The following ATP4B variants were observed in gnomAD, a reference collection of about 807,000 sequenced individuals.
ATP4B encodes potassium-transporting ATPase subunit beta.
Under a neutral mutation model 35.3 loss-of-function variants are expected in ATP4B, and 27 were observed. That is an observed-to-expected ratio of 0.76 (90% CI 0.56 to 1.05). The LOEUF is 1.05. Ranked by LOEUF, ATP4B falls within the 50% of genes least tolerant of loss-of-function variation. The pLI is 0.00. For synonymous variants in ATP4B, 162 were observed against 156.0 expected, an observed-to-expected ratio of 1.04 and a Z score of -0.29; for missense variants, 375 against 384.8, an observed-to-expected ratio of 0.97 and a Z score of 0.21.
chr13:113,649,363 C>G lies in ATP4B; in HGVS notation c.*11G>C. Reference sequence around the variant, plus strand: ...CCCGCAGGCGTGCCCAGGACCCCTGCGCAAACCGTTTCACTTCTCAATCTT... The same window carrying G: ...CCCGCAGGCGTGCCCAGGACCCCTGGGCAAACCGTTTCACTTCTCAATCTT... On this transcript the variant is annotated 3_prime_UTR_variant, in exon 7 of 7. Transcript: ENST00000335288. This position sits in a 1 kb window ranked among gnomAD's most constrained non-coding sequence, Gnocchi z 4.7. 6.3e-7 allele frequency: 1 copy of G among 1,587,792 alleles called. No homozygotes were observed. The highest frequency in any genetic ancestry group is 8.6e-7 in the Non-Finnish European group (1 of 1,165,736).
chr13:113,657,996 C>T, intron 1 of ATP4B, 37 bp downstream of exon 1: 1 of 1,531,554 alleles, frequency 6.5e-7, no homozygotes, highest in Non-Finnish European at 8.8e-7. Flanking sequence ...AGAGCGGCCC[C>T]CTCCATGCAC....
intron 2 of ATP4B, among the ~76,000 whole-genome samples, chr13:113,653,812 A>G (rs1199016501): frequency 1.3e-5 from 2 of 152,286 alleles, no homozygotes; most frequent in Admixed American, 6.5e-5. Context: ...GTTAAGAACA[A>G]AAGCAGTCTA....
rs1302249566 is a variant in ATP4B, at chr13:113,653,748, T to A, written c.242-314A>T. Among the ~76,000 whole-genome samples the A allele has an allele frequency of 2.6e-5, 4 of 152,234 alleles. No individual in the cohort carries two copies. In the South Asian group the frequency reaches 8.3e-4, roughly 31 times the overall value. On this transcript the variant is annotated intron_variant, in intron 2 of 6. Transcript: ENST00000335288. ...ACTAATCCAGAGGCTGCACCTGGGT[T>A]TCTATGTAAAATTGCATTTGAACAT...
Position 113,650,530 on chromosome 13 carries a change from T to G in ATP4B, c.613-23A>C. On this transcript the variant is annotated intron_variant, in intron 5 of 6. Transcript: ENST00000335288. The surrounding 1 kb of genome is among the most constrained non-coding windows in gnomAD (Gnocchi z 5.0). Reference sequence around the variant, plus strand: ...GTCCTGGGGAGGAGAGGCCACTGCCTGAGTCAGGCGGGAGCTGGTGTGTGC... The same window carrying G: ...GTCCTGGGGAGGAGAGGCCACTGCCGGAGTCAGGCGGGAGCTGGTGTGTGC... 1 of 1,595,414 alleles carries G rather than the reference T, an allele frequency of 6.3e-7. No homozygotes were observed. The highest frequency in any genetic ancestry group is 8.6e-7 in the Non-Finnish European group (1 of 1,168,786).
At position 113,650,347 on chromosome 13, in the gene ATP4B, G is replaced by A. The variant is rs1013643420; in HGVS notation, c.714+59C>T. On this transcript the variant is annotated intron_variant, in intron 6 of 6. Transcript: ENST00000335288. The surrounding 1 kb of genome is among the most constrained non-coding windows in gnomAD (Gnocchi z 5.0). The stretch of plus-strand genomic sequence containing the variant: ...TGAAGGGGCTTATTGCTTTCCTTTC[G>A]CTAAGTGTGAGAGGACTCAGCAGCT... The A allele has an allele frequency of 6.8e-5, 103 of 1,504,736 alleles. No individual in the cohort carries two copies. Among genetic ancestry groups the A allele is most frequent in the Middle Eastern group, 3.4e-4 (2 of 5,858 alleles). 93.2% of individuals were successfully genotyped at this position (1,504,736 alleles called of 1,614,324 possible).
Position 113,650,534 on chromosome 13 carries a change from T to G in ATP4B, c.613-27A>C, listed in dbSNP as rs758980693. The G allele has an allele frequency of 6.3e-7, 1 of 1,589,806 alleles. No homozygotes were observed. Among genetic ancestry groups the G allele is most frequent in the Non-Finnish European group, 8.6e-7 (1 of 1,164,312 alleles). On this transcript the variant is annotated intron_variant, in intron 5 of 6. Transcript: ENST00000335288. This position sits in a 1 kb window ranked among gnomAD's most constrained non-coding sequence, Gnocchi z 5.0. ...TGGGGAGGAGAGGCCACTGCCTGAGTCAGGCGGGAGCTGGTGTGTGCCGGT... is the reference window on the plus strand; with the variant it reads ...TGGGGAGGAGAGGCCACTGCCTGAGGCAGGCGGGAGCTGGTGTGTGCCGGT...
At chr13:113,651,179 A>G (rs1415435712) in intron 5 of ATP4B, among the ~76,000 whole-genome samples, 2 of 152,224 alleles carry the variant, frequency 1.3e-5, no homozygotes, top group Non-Finnish European at 2.9e-5. Flanking sequence ...AGCAAATCTT[A>G]GAAGACATTT....
intron 1 of ATP4B, 38 bp from the exon 2 acceptor site, chr13:113,654,980 CCATTTTAACG>C: frequency 6.2e-7 from 1 of 1,611,996 alleles, no homozygotes; most frequent in East Asian, 2.2e-5. Context: ...ACCACGTCAG[CCATTTTAACG>C]CACACAATTC....
At chr13:113,654,063 C>T (rs1441829663) in intron 2 of ATP4B, among the ~76,000 whole-genome samples, 1 of 152,204 alleles carries the variant, frequency 6.6e-6, no homozygotes, top group African/African-American at 2.4e-5. Context: ...TTGGGAGCCT[C>T]TTTTTCTGTC....
intron 5 of ATP4B, 102 bp downstream of exon 5, chr13:113,651,569 A>G (rs567332613): frequency 1.5e-5 from 19 of 1,300,554 alleles, no homozygotes; most frequent in Admixed American, 3.3e-5. Flanking sequence ...GACGGCTGAC[A>G]TTCCTGGAGA....
Position 113,658,067 on chromosome 13 carries a change from C to T in ATP4B, c.78G>A (p.Thr26=), listed in dbSNP as rs143507769. 270 of 1,610,176 alleles carry T rather than the reference C, an allele frequency of 1.7e-4. 2 individuals carry two copies. In the South Asian group the frequency reaches 1.7e-3, roughly 10 times the overall value. Residue 26 remains threonine, a synonymous_variant, in exon 1 of 7, where the codon ACG becomes ACA. Coordinates refer to ENST00000335288, the MANE Select transcript of ATP4B (RefSeq NM_000705.4). ...EFQRYCWNPD[T]GQMLGRTLSR... ...ACAGGGTGCGGCCCAGCATCTGCCC[C>T]GTGTCCGGGTTCCAGCAGTAACGCT...
intron 2 of ATP4B, among the ~76,000 whole-genome samples, chr13:113,653,885 C>T (rs895782240): frequency 3.3e-5 from 5 of 152,340 alleles, no homozygotes; most frequent in East Asian, 3.9e-4. Context: ...AACGCAGAGC[C>T]GTCGACTTTC....
intron 5 of ATP4B, among the ~76,000 whole-genome samples, chr13:113,651,066 A>C (rs1233880693): frequency 6.6e-6 from 1 of 152,006 alleles, no homozygotes; most frequent in Non-Finnish European, 1.5e-5. Flanking sequence ...CCGAGAGTGG[A>C]GGCTTCGAGG....
chr13:113,653,463 T>A (rs764130095), intron 2 of ATP4B, 29 bp from the exon 3 acceptor site: 3 of 1,587,528 alleles, frequency 1.9e-6, no homozygotes, highest in Non-Finnish European at 2.6e-6. Flanking sequence ...GTGCTTAGCG[T>A]CTCCAAATGC....
chr13:113,652,269 G>A (rs376459311), intron 4 of ATP4B, among the ~76,000 whole-genome samples: 68 of 152,354 alleles, frequency 4.5e-4, no homozygotes, highest in African/African-American at 1.4e-3. Context: ...CCTCCATGCC[G>A]GCAGTGCTGA....
At position 113,649,331 on chromosome 13, in the gene ATP4B, G is replaced by T. The variant is rs111789870; in HGVS notation, c.*43C>A. ...TAAGCCCAACCAGGAGGGTGTCCTT[G>T]AGCGACCCCGCAGGCGTGCCCAGGA... is the stretch of plus-strand genomic sequence containing the variant. On this transcript the variant is annotated 3_prime_UTR_variant, in exon 7 of 7. Transcript: ENST00000335288. The surrounding 1 kb of genome is among the most constrained non-coding windows in gnomAD (Gnocchi z 4.7). The T allele has an allele frequency of 6.4e-7, 1 of 1,558,418 alleles. No individual in the cohort carries two copies. The highest frequency in any genetic ancestry group is 2.4e-5 in the East Asian group (1 of 41,970).
intron 3 of ATP4B, 120 bp downstream of exon 3, chr13:113,653,200 GT>G: frequency 7.2e-7 from 1 of 1,390,442 alleles, no homozygotes; most frequent in Non-Finnish European, 9.9e-7. Context: ...CTGTGGAGCC[GT>G]TTCACACCTC....
chr13:113,652,063 G>C (rs147496741), intron 4 of ATP4B, among the ~76,000 whole-genome samples: 2 of 152,254 alleles, frequency 1.3e-5, no homozygotes, highest in South Asian at 2.1e-4. Context: ...GACAGAGCAC[G>C]GGCCGGCCTG....
chr13:113,656,303 C>T (rs1049195452), intron 1 of ATP4B, among the ~76,000 whole-genome samples: 2 of 152,192 alleles, frequency 1.3e-5, no homozygotes, highest in Non-Finnish European at 2.9e-5. Flanking sequence ...GGTCTCTGTT[C>T]CCCCGCTGTG....
Sources: allele counts gnomAD v4.1 joint callset (sites outside exome capture counted in the v4.1 genomes callset), GRCh38; gene constraint gnomAD v4.1.1; non-coding constraint Gnocchi (gnomAD v3.1); transcripts MANE v1.5; gene names NCBI Gene and HGNC (gene_info 2026-07-23, HGNC 2026-07-21).